DAB1: variants seen among roughly 807,000 people sequenced by gnomAD.
The protein encoded by DAB1 is DAB adaptor protein 1.
DAB1 carries 15 observed loss-of-function variants against 64.6 expected under a neutral mutation model. The observed-to-expected ratio is 0.23, with a 90% CI of 0.16 to 0.36. DAB1 has a LOEUF of 0.36. Ranked by LOEUF, DAB1 falls within the 10% of genes least tolerant of loss-of-function variation. The probability of loss-of-function intolerance (pLI) is 1.00; values close to 1 mark genes in which losing one functional copy is unlikely to be tolerated. For synonymous variants in DAB1, 235 were observed against 251.9 expected (o/e 0.93, Z 0.64); for missense variants, 596 against 706.7 (o/e 0.84, Z 1.78).
At chr1:57,546,102 C>T (rs1001114915) in intron 7 of DAB1, among the ~76,000 whole-genome samples, 6 of 142,774 alleles carry the variant, frequency 4.2e-5, no homozygotes, top group African/African-American at 8.1e-5. Flanking sequence ...TGTGTGTGCG[C>T]GCACGTGTGC....
At position 58,530,867 on chromosome 1, in the gene DAB1, T is replaced by G. The variant is rs981942500; in HGVS notation, n.33-3532A>C. The G allele has an allele frequency of 6.8e-6, 4 of 590,342 alleles. No individual in the cohort carries two copies. The African/African-American group carries it at 7.4e-5, about 11-fold the overall frequency. The allele number at this position is 590,342 out of a possible 1,614,324, so 36.6% of individuals were successfully genotyped here. On this transcript the variant is annotated intron_variant and non_coding_transcript_variant, in intron 1 of 20. Transcript: ENST00000485760. ...AGAGTTCTCTTTTTCTTCTTTTGCT[T>G]ATTCTTTCCGGGTCTGTTTTTCCCT...
chr1:58,155,687 C>G (rs1429387062), intron 4 of DAB1, among the ~76,000 whole-genome samples: 1 of 152,198 alleles, frequency 6.6e-6, no homozygotes, highest in Non-Finnish European at 1.5e-5. Flanking sequence ...GCTATCAGAG[C>G]AAGCAATGAC....
chr1:57,168,888 T>C (rs138481181), intron 2 of DAB1, among the ~76,000 whole-genome samples: 13 of 152,154 alleles, frequency 8.5e-5, no homozygotes, highest in Non-Finnish European at 1.6e-4. Context: ...CAACTCTCTC[T>C]CTACAAAAAA....
intron 5 of DAB1, among the ~76,000 whole-genome samples, chr1:58,049,683 T>C (rs890651040): frequency 1.2e-4 from 18 of 152,200 alleles, no homozygotes; most frequent in Non-Finnish European, 2.2e-4. Context: ...TGAAATTTAG[T>C]CTCTTTAGAT....
intron 1 of DAB1, among the ~76,000 whole-genome samples, chr1:57,384,017 A>G (rs1250581300): frequency 6.6e-6 from 1 of 152,226 alleles, no homozygotes; most frequent in Non-Finnish European, 1.5e-5. Context: ...GTTAATATCC[A>G]GAATATATAA....
intron 1 of DAB1, among the ~76,000 whole-genome samples, chr1:57,349,277 G>A (rs1202309548): frequency 6.6e-6 from 1 of 152,124 alleles, no homozygotes; most frequent in Non-Finnish European, 1.5e-5. Context: ...TCAGGCACTG[G>A]TAGTGATTTC....
intron 6 of DAB1, among the ~76,000 whole-genome samples, chr1:57,710,227 G>A (rs1331657782): frequency 6.6e-6 from 1 of 151,968 alleles, no homozygotes; most frequent in Admixed American, 6.6e-5. Flanking sequence ...ATTTCTCTGT[G>A]GACATCCTGT....
intron 5 of DAB1, among the ~76,000 whole-genome samples, chr1:57,935,623 T>A (rs1226620772): frequency 6.6e-6 from 1 of 152,162 alleles, no homozygotes; most frequent in African/African-American, 2.4e-5. Context: ...GCATTAGTAT[T>A]CCCATTTTAC....
At chr1:57,241,976 C>T (rs1668527470) in intron 2 of DAB1, among the ~76,000 whole-genome samples, 1 of 152,164 alleles carries the variant, frequency 6.6e-6, no homozygotes, top group South Asian at 2.1e-4. Context: ...TCATTTCCCC[C>T]ATTCCTATAT....
Position 57,043,578 on chromosome 1 carries a change from G to A in DAB1, c.724-17535C>T, listed in dbSNP as rs148627893. ...AATATCAGATGAGGCCGGGCGCGGC[G>A]GCTCACGCCTGTAATCCCAGCACTT... On this transcript the variant is annotated intron_variant, in intron 9 of 14. Transcript: ENST00000371236. Among the ~76,000 whole-genome samples the A allele has an allele frequency of 1.8e-3, 268 of 152,292 alleles. 2 individuals are homozygous for A. Among genetic ancestry groups the A allele is most frequent in the African/African-American group, 5.6e-3 (232 of 41,566 alleles).
chr1:58,343,191 G>A (rs1643959156), intron 4 of DAB1, among the ~76,000 whole-genome samples: 1 of 151,928 alleles, frequency 6.6e-6, no homozygotes, highest in African/African-American at 2.4e-5. Context: ...AGCTGCTAGA[G>A]TTTTCTCTAC....
chr1:58,161,919 G>T (rs1655558509), intron 4 of DAB1, among the ~76,000 whole-genome samples: 1 of 152,136 alleles, frequency 6.6e-6, no homozygotes. Context: ...AGAAAGATTA[G>T]GCTGGCTGCA....
At chr1:57,204,257 G>A (rs902444899) in intron 2 of DAB1, among the ~76,000 whole-genome samples, 1 of 151,956 alleles carries the variant, frequency 6.6e-6, no homozygotes, top group African/African-American at 2.4e-5. Context: ...CTGGAAGCTG[G>A]TTTTCTTCTG....
At chr1:57,586,295 C>T (rs1288926874) in intron 7 of DAB1, among the ~76,000 whole-genome samples, 1 of 152,130 alleles carries the variant, frequency 6.6e-6, no homozygotes, top group East Asian at 1.9e-4. Flanking sequence ...ATTCAGCTCA[C>T]CTCTCCCTCT....
downstream of DAB1, among the ~76,000 whole-genome samples, chr1:57,822,679 A>G (rs1427456639): frequency 6.6e-6 from 1 of 152,220 alleles, no homozygotes; most frequent in Non-Finnish European, 1.5e-5. Flanking sequence ...ACTCTAGATC[A>G]GCACCACCCA....
intron 7 of DAB1, among the ~76,000 whole-genome samples, chr1:57,577,919 G>C (rs942285494): frequency 3.3e-5 from 5 of 152,168 alleles, no homozygotes; most frequent in African/African-American, 1.2e-4. Flanking sequence ...CCAATGAGCA[G>C]AGGAAATATA....
intron 5 of DAB1, chr1:58,056,036 C>G (rs1648047877): frequency 2.3e-6 from 2 of 854,438 alleles, no homozygotes; most frequent in African/African-American, 3.4e-5. Flanking sequence ...CCGTGCCTGG[C>G]CTCATGTGCA....
At chr1:57,510,481 A>G (rs1644394199) in intron 7 of DAB1, among the ~76,000 whole-genome samples, 1 of 152,092 alleles carries the variant, frequency 6.6e-6, no homozygotes, top group Non-Finnish European at 1.5e-5. Flanking sequence ...CCATGGCTTA[A>G]GTACCATAGA....
chr1:58,398,642 A>G (rs1313493048), intron 3 of DAB1, among the ~76,000 whole-genome samples: 3 of 152,250 alleles, frequency 2.0e-5, no homozygotes, highest in Admixed American at 6.5e-5. Context: ...TCTCTGTGGT[A>G]ACTGCAATTT....
Sources: gnomAD v4.1 joint callset for allele counts (sites outside exome capture counted in the v4.1 genomes callset) on GRCh38, gnomAD v4.1.1 for gene constraint, MANE v1.5 for transcripts, NCBI Gene and HGNC (gene_info 2026-07-23, HGNC 2026-07-21) for gene names.